TANC2: variants seen among roughly 807,000 people sequenced by gnomAD.
TANC2 encodes tetratricopeptide repeat, ankyrin repeat and coiled-coil containing 2, also known as protein TANC2.
A neutral mutation model predicts 210.5 loss-of-function variants in TANC2; 26 were observed. The ratio of observed to expected loss-of-function variants is 0.12; its 90% confidence interval spans 0.09 to 0.17. The LOEUF is 0.17. TANC2 is among the 10% of genes least tolerant of loss of function. TANC2 has a pLI of 1.00. For synonymous variants in TANC2, 931 were observed against 967.1 expected, an observed-to-expected ratio of 0.96 and a Z score of 0.69; for missense variants, 2,129 against 2,608.9, an observed-to-expected ratio of 0.82 and a Z score of 4.01.
intron 14 of TANC2, among the ~76,000 whole-genome samples, chr17:63,356,181 C>A (rs1196089217): frequency 6.6e-6 from 1 of 152,148 alleles, no homozygotes; most frequent in African/African-American, 2.4e-5. Context: ...CAACTCAAAC[C>A]AGACTAGATA....
In TANC2 at chr17:63,199,191, G is replaced by A. The variant is rs1031891218; in HGVS notation, c.583-1580G>A. ...CACATTCTCCAGTTATTAAATTTTA[G>A]CAGAAAGAGTATGAATAGAGACTCT... On this transcript the variant is annotated intron_variant, in intron 6 of 27. Coordinates refer to ENST00000689528, the Ensembl canonical transcript of TANC2. 2.0e-5 allele frequency among the ~76,000 whole-genome samples: 3 copies of A among 152,220 alleles called. No individual in the cohort carries two copies. In the East Asian group the frequency reaches 5.8e-4, roughly 29 times the overall value.
chr17:63,354,291 G>A (rs746748261), intron 13 of TANC2, among the ~76,000 whole-genome samples: 3 of 152,114 alleles, frequency 2.0e-5, no homozygotes, highest in Admixed American at 6.5e-5. Flanking sequence ...CAGAAGGCCC[G>A]CATTTAAATG....
At chr17:63,233,359 G>A (rs1451627283) in intron 7 of TANC2, among the ~76,000 whole-genome samples, 1 of 152,174 alleles carries the variant, frequency 6.6e-6, no homozygotes, top group Admixed American at 6.5e-5. Flanking sequence ...GGCCCACGAG[G>A]GGGATCTCCT....
chr17:63,207,986 C>G (rs2041775093), intron 7 of TANC2, among the ~76,000 whole-genome samples: 3 of 152,152 alleles, frequency 2.0e-5, no homozygotes, highest in Admixed American at 2.0e-4. Context: ...TGAGGTTAAA[C>G]AATCTTTTCA....
chr17:63,087,843 A>G (rs897406351), intron 3 of TANC2, among the ~76,000 whole-genome samples: 10 of 152,080 alleles, frequency 6.6e-5, no homozygotes, highest in South Asian at 6.2e-4. Flanking sequence ...TGCATTCTCT[A>G]TAGTCACCTG....
intron 2 of TANC2, among the ~76,000 whole-genome samples, chr17:63,061,500 A>C (rs2144533752): frequency 6.6e-6 from 1 of 152,364 alleles, no homozygotes; most frequent in Non-Finnish European, 1.5e-5. Flanking sequence ...GATAATGTCA[A>C]GTATACAGGG....
intron 10 of TANC2, among the ~76,000 whole-genome samples, chr17:63,317,317 C>G (rs372577056): frequency 6.0e-5 from 9 of 149,204 alleles, no homozygotes; most frequent in Admixed American, 2.0e-4. Flanking sequence ...AGCCCGCCCC[C>G]CTCCTTGTCA....
At chr17:62,968,449 C>T (rs957876215) in intron 1 of TANC2, 2 of 152,108 alleles carry the variant, frequency 1.3e-5, no homozygotes, top group South Asian at 4.1e-4. Flanking sequence ...AATAGATTTT[C>T]CTTGGTGATT....
intron 3 of TANC2, among the ~76,000 whole-genome samples, chr17:63,095,413 C>T (rs1039290013): frequency 6.6e-6 from 1 of 152,098 alleles, no homozygotes; most frequent in Admixed American, 6.6e-5. Context: ...TCAAACAACC[C>T]TCCTGCCTCA....
At chr17:63,306,903 A>C (rs1341419153) in intron 9 of TANC2, among the ~76,000 whole-genome samples, 2 of 152,172 alleles carry the variant, frequency 1.3e-5, no homozygotes, top group African/African-American at 4.8e-5. Context: ...GCAGTGAGCT[A>C]TGATTGCCTC....
At chr17:63,361,635 C>T (rs972290937) in intron 14 of TANC2, among the ~76,000 whole-genome samples, 1 of 152,216 alleles carries the variant, frequency 6.6e-6, no homozygotes, top group East Asian at 1.9e-4. Context: ...CTCAGGGAGT[C>T]CCTAGGTCTG....
chr17:63,253,801 G>GCTT (rs1555616572), intron 8 of TANC2, among the ~76,000 whole-genome samples: 1 of 151,598 alleles, frequency 6.6e-6, no homozygotes, highest in Non-Finnish European at 1.5e-5. Flanking sequence ...TTGGTTTGAG[G>GCTT]GTTTTTGTTG....
intron 7 of TANC2, among the ~76,000 whole-genome samples, chr17:63,201,968 G>A (rs2041548972): frequency 6.6e-6 from 1 of 152,068 alleles, no homozygotes; most frequent in Non-Finnish European, 1.5e-5. Context: ...TCTTTCTTGA[G>A]TAATATTTCC....
In TANC2 at chr17:63,128,217, A is replaced by G. The variant is rs182203907; in HGVS notation, c.323-23053A>G. On this transcript the variant is annotated intron_variant, in intron 4 of 27. Transcript: ENST00000689528. ...GATGACTACTCAATAATAATTGTACATTTTAAAATAACTAAAAGAACATAA... is the reference window on the plus strand; with the variant it reads ...GATGACTACTCAATAATAATTGTACGTTTTAAAATAACTAAAAGAACATAA... 3.0e-3 allele frequency among the ~76,000 whole-genome samples: 460 copies of G among 152,314 alleles called. 1 individual carries two copies. The highest frequency in any genetic ancestry group is 0.011 in the African/African-American group (442 of 41,580).
At chr17:63,413,025 C>CTT in intron 24 of TANC2, 1 of 338,882 alleles carries the variant, frequency 3.0e-6, no homozygotes, top group Non-Finnish European at 5.3e-6. Context: ...AACTGTGCTC[C>CTT]TGCTTCAAAG....
intron 1 of TANC2, among the ~76,000 whole-genome samples, chr17:62,983,042 ATTGT>A (rs2032381692): frequency 6.6e-6 from 1 of 152,090 alleles, no homozygotes; most frequent in South Asian, 2.1e-4. Flanking sequence ...GAATTTATAG[ATTGT>A]TTGGGGTAAT....
chr17:63,108,059 A>G (rs988809337), intron 4 of TANC2, among the ~76,000 whole-genome samples: 1 of 151,830 alleles, frequency 6.6e-6, no homozygotes, highest in Non-Finnish European at 1.5e-5. Context: ...CAGAGGCTAC[A>G]AATTTTTTCA....
chr17:63,352,065 A>G (rs1012563545), intron 13 of TANC2, among the ~76,000 whole-genome samples: 8 of 152,132 alleles, frequency 5.3e-5, no homozygotes, highest in Admixed American at 5.2e-4. Flanking sequence ...CTAAAGATAA[A>G]TGACTCTGCT....
chr17:63,233,787 C>T lies in TANC2; in HGVS notation c.770-4027C>T, dbSNP rs538289058. Among the ~76,000 whole-genome samples the T allele has an allele frequency of 8.4e-4, 128 of 152,318 alleles. 1 individual carries two copies. Among genetic ancestry groups the T allele is most frequent in the Non-Finnish European group, 1.5e-3 (104 of 68,014 alleles). ...GTCTATTGAATTTACTTAATTCTTA[C>T]GAACTTTGCTGTGCCCTTGTGAATG... On this transcript the variant is annotated intron_variant, in intron 7 of 27. Coordinates refer to ENST00000689528, the Ensembl canonical transcript of TANC2.
Sources: gnomAD v4.1 joint callset for allele counts (sites outside exome capture counted in the v4.1 genomes callset) on GRCh38, gnomAD v4.1.1 for gene constraint, MANE v1.5 for transcripts, NCBI Gene and HGNC (gene_info 2026-07-23, HGNC 2026-07-21) for gene names.